SYCP2L: variants seen among roughly 807,000 people sequenced by gnomAD.
SYCP2L encodes synaptonemal complex protein 2 like, also known as synaptonemal complex protein 2-like.
SYCP2L carries 98 observed loss-of-function variants against 125.8 expected under a neutral mutation model. That is an observed-to-expected ratio of 0.78 (90% CI 0.66 to 0.92). The LOEUF is 0.92. SYCP2L is among the 40% of genes least tolerant of loss of function. The pLI, the probability that SYCP2L is intolerant of heterozygous loss-of-function variation, is 0.00. For missense variants in SYCP2L, 842 were observed against 936.4 expected (o/e 0.90, Z 1.32); for synonymous variants, 317 against 325.4 (o/e 0.97, Z 0.28).
At chr6:10,891,651 G>GTATA in intron 2 of SYCP2L, 70 bp downstream of exon 2, 6 of 816,242 alleles carry the variant, frequency 7.4e-6, no homozygotes, top group South Asian at 3.7e-5. Context: ...GTGTGTGTGT[G>GTATA]TGTGTGTGTG....
chr6:10,903,248 T>C (rs536705202), intron 8 of SYCP2L, among the ~76,000 whole-genome samples: 8 of 149,854 alleles, frequency 5.3e-5, no homozygotes, highest in Admixed American at 4.6e-4. Flanking sequence ...TCCTGGCTAA[T>C]ATGGCAAAAC....
chr6:10,923,962 G>A (rs966175605), intron 14 of SYCP2L, among the ~76,000 whole-genome samples: 1 of 152,208 alleles, frequency 6.6e-6, no homozygotes, highest in Non-Finnish European at 1.5e-5. Flanking sequence ...GGGATTACAG[G>A]CGTGAGCCAC....
intron 23 of SYCP2L, among the ~76,000 whole-genome samples, chr6:10,949,575 A>G (rs566285000): frequency 2.0e-5 from 3 of 152,232 alleles, no homozygotes; most frequent in East Asian, 1.9e-4. Flanking sequence ...GTACTTATCT[A>G]TATCCTTTGT....
intron 29 of SYCP2L, among the ~76,000 whole-genome samples, chr6:10,964,681 A>G (rs1451326638): frequency 6.6e-6 from 1 of 152,198 alleles, no homozygotes; most frequent in African/African-American, 2.4e-5. Flanking sequence ...TAATGGAGGC[A>G]ACCCATTAAA....
intron 2 of SYCP2L, 82 bp downstream of exon 2, chr6:10,891,663 G>GTATATGAGTGTATGTATTC: frequency 1.2e-6 from 1 of 818,728 alleles, no homozygotes; most frequent in South Asian, 2.0e-5. Context: ...GTGTGTGTGT[G>GTATATGAGTGTATGTATTC]TATGTGTATA....
At chr6:10,893,029 CAG>C (rs373068888) in intron 2 of SYCP2L, among the ~76,000 whole-genome samples, 19 of 147,764 alleles carry the variant, frequency 1.3e-4, no homozygotes, top group African/African-American at 4.0e-4. Flanking sequence ...TTTTTTGAGA[CAG>C]AGTTTTGCTC....
rs748955205 is a variant in SYCP2L, at chr6:10,954,794, C to T, written c.1955-322C>T. The stretch of plus-strand genomic sequence containing the variant: ...AACCTTGCTGTCTTGCTATTTAGCT[C>T]AGAGCCCTGGAAGCGTTGCTTTTGA... On this transcript the variant is annotated intron_variant, in intron 23 of 29. Transcript: ENST00000283141. This position sits in a 1 kb window ranked among gnomAD's most constrained non-coding sequence, Gnocchi z 4.8. Among the ~76,000 whole-genome samples the T allele has an allele frequency of 1.2e-4, 19 of 152,128 alleles. No homozygotes were observed. The highest frequency in any genetic ancestry group is 2.5e-4 in the Non-Finnish European group (17 of 68,030).
chr6:10,974,246 T>C lies in SYCP2L; in HGVS notation c.*332T>C, dbSNP rs915432998. The C allele has an allele frequency of 6.6e-6, 1 of 152,092 alleles. No homozygotes were observed. Among genetic ancestry groups the C allele is most frequent in the South Asian group, 2.1e-4 (1 of 4,832 alleles). 9.4% of individuals were successfully genotyped at this position (152,092 alleles called of 1,614,324 possible). On this transcript the variant is annotated 3_prime_UTR_variant, in exon 30 of 30. Coordinates refer to ENST00000283141, the MANE Select transcript of SYCP2L (RefSeq NM_001040274.3). ...TTTTTATAAAAGTAAAATGGACTTT[T>C]TTTTGTTTGAGAAATGTCTTCAAGT...
chr6:10,890,991 A>G (rs1780162764), intron 1 of SYCP2L, among the ~76,000 whole-genome samples: 1 of 152,214 alleles, frequency 6.6e-6, no homozygotes, highest in Non-Finnish European at 1.5e-5. Flanking sequence ...TGGCTATAAA[A>G]AAGTAGATTT....
At chr6:10,945,661 T>C (rs569233553) in intron 23 of SYCP2L, among the ~76,000 whole-genome samples, 1 of 151,434 alleles carries the variant, frequency 6.6e-6, no homozygotes, top group Admixed American at 6.6e-5. Flanking sequence ...TCCCAGCTAC[T>C]TGGGAGGCTG....
chr6:10,896,312 T>A (rs1423081741), intron 4 of SYCP2L, among the ~76,000 whole-genome samples: 1 of 152,152 alleles, frequency 6.6e-6, no homozygotes, highest in Non-Finnish European at 1.5e-5. Flanking sequence ...TGTTAGACAA[T>A]GTGTGACCAG....
intron 14 of SYCP2L, among the ~76,000 whole-genome samples, chr6:10,915,572 AGAT>A (rs1359754073): frequency 6.6e-6 from 1 of 152,210 alleles, no homozygotes; most frequent in African/African-American, 2.4e-5. Context: ...GCATCTATTC[AGAT>A]GATCATGTGA....
chr6:10,943,038 G>T (rs1781251735), intron 23 of SYCP2L, among the ~76,000 whole-genome samples: 1 of 152,110 alleles, frequency 6.6e-6, no homozygotes, highest in African/African-American at 2.4e-5. Context: ...TCAGAGGAGG[G>T]CACAGTGGCG....
intron 14 of SYCP2L, among the ~76,000 whole-genome samples, chr6:10,915,941 G>C (rs563705484): frequency 1.3e-5 from 2 of 152,130 alleles, no homozygotes; most frequent in African/African-American, 4.8e-5. Flanking sequence ...CTGTGAATCT[G>C]TCTGGTCCTG....
rs766483129 is a variant in SYCP2L at position 10,955,096 on chromosome 6, T to G, written c.1955-20T>G. On this transcript the variant is annotated intron_variant, in intron 23 of 29. Transcript: ENST00000283141. ...AAGATAATTTCGGGTCAAAAGGAAATGTGCTCTGTTTGCCTGTAGACATAC... is the reference window on the plus strand; with the variant it reads ...AAGATAATTTCGGGTCAAAAGGAAAGGTGCTCTGTTTGCCTGTAGACATAC... 6.5e-7 allele frequency: 1 copy of G among 1,550,020 alleles called. No homozygotes were observed.
chr6:10,953,251 C>A (rs984334658), intron 23 of SYCP2L, among the ~76,000 whole-genome samples: 5 of 151,994 alleles, frequency 3.3e-5, no homozygotes, highest in Non-Finnish European at 7.4e-5. Context: ...TTTATAGATT[C>A]CTCCAAAAGG....
Position 10,961,324 on chromosome 6 carries a change from T to C in SYCP2L, c.2275T>C (p.Phe759Leu). ...QLFRLNKLER[F>L]QNLVLQELSS... ...TATTAGACTCAATAAACTAGAGCGC[T>C]TTCAAAATTTGGTTCTTCAAGAGTT... The change falls in exon 27 of 30, where the codon TTT becomes CTT. Residue 759 changes from phenylalanine (F) to leucine (L), a missense_variant. Transcript: ENST00000283141. 2 of 1,614,152 alleles carry C rather than the reference T, an allele frequency of 1.2e-6. No individual in the cohort carries two copies. The highest frequency in any genetic ancestry group is 1.7e-6 in the Non-Finnish European group (2 of 1,180,020).
Position 10,966,513 on chromosome 6 carries a change from G to A in SYCP2L, c.*37+2670G>A, listed in dbSNP as rs147963223. On this transcript the variant is annotated intron_variant, in intron 29 of 29. Transcript: ENST00000283141. ...ATGGGAGATGGAATAACATAAAGGC[G>A]TCCATTCTGCCTAAATTAGTAAAAT... Among the ~76,000 whole-genome samples, 425 of 152,254 alleles carry A rather than the reference G, an allele frequency of 2.8e-3. 1 individual carries two copies. Among genetic ancestry groups the A allele is most frequent in the African/African-American group, 9.6e-3 (398 of 41,532 alleles).
chr6:10,963,138 C>T (rs1292133095), intron 28 of SYCP2L, among the ~76,000 whole-genome samples: 1 of 152,204 alleles, frequency 6.6e-6, no homozygotes, highest in African/African-American at 2.4e-5. Context: ...GCATTCATCT[C>T]CCTTTGATAA....
Sources: gnomAD v4.1 joint callset for allele counts (sites outside exome capture counted in the v4.1 genomes callset) on GRCh38, gnomAD v4.1.1 for gene constraint, Gnocchi (gnomAD v3.1) non-coding constraint, MANE v1.5 for transcripts, NCBI Gene and HGNC (gene_info 2026-07-23, HGNC 2026-07-21) for gene names.